Variants in EPHA6 observed in about 807,000 individuals in gnomAD.
EPHA6 encodes the protein EPH receptor A6, also known as ephrin type-A receptor 6.
A neutral mutation model predicts 112.0 loss-of-function variants in EPHA6; 50 were observed. The observed-to-expected ratio is 0.45, with a 90% CI of 0.36 to 0.56. The LOEUF (loss-of-function observed/expected upper bound fraction) is 0.56. Ranked by LOEUF, EPHA6 falls within the 20% of genes least tolerant of loss-of-function variation. The pLI, the probability that EPHA6 is intolerant of heterozygous loss-of-function variation, is 0.00. For missense variants in EPHA6, 1,280 were observed against 1,417.4 expected, an observed-to-expected ratio of 0.90 and a Z score of 1.56; for synonymous variants, 529 against 490.7, an observed-to-expected ratio of 1.08 and a Z score of -1.03.
intron 3 of EPHA6, among the ~76,000 whole-genome samples, chr3:96,990,907 C>T (rs2043191248): frequency 6.6e-6 from 1 of 151,980 alleles, no homozygotes; most frequent in African/African-American, 2.4e-5. Context: ...GAAAAGTGAC[C>T]ACATATATAA....
At chr3:96,846,017 A>G (rs1196147288) in intron 1 of EPHA6, among the ~76,000 whole-genome samples, 1 of 152,066 alleles carries the variant, frequency 6.6e-6, no homozygotes, top group Non-Finnish European at 1.5e-5. Context: ...ACAAAATCAC[A>G]ATGCTTACAT....
intron 3 of EPHA6, among the ~76,000 whole-genome samples, chr3:97,020,711 A>G (rs1489212757): frequency 6.6e-6 from 1 of 152,208 alleles, no homozygotes; most frequent in Non-Finnish European, 1.5e-5. Context: ...AGCCATTTGG[A>G]TAAAAATTTA....
intron 11 of EPHA6, among the ~76,000 whole-genome samples, chr3:97,533,884 A>G (rs956909361): frequency 6.6e-6 from 1 of 152,128 alleles, no homozygotes; most frequent in African/African-American, 2.4e-5. Context: ...CTGATGTTAC[A>G]ACTCCACTAC....
Position 97,748,849 on chromosome 3 carries a change from T to A in EPHA6, c.*148T>A, listed in dbSNP as rs2035821552. 1.7e-6 allele frequency: 1 copy of A among 605,882 alleles called. No individual in the cohort carries two copies. The highest frequency in any genetic ancestry group is 2.7e-5 in the Admixed American group (1 of 37,610). 37.5% of individuals were successfully genotyped at this position (605,882 alleles called of 1,614,324 possible). On this transcript the variant is annotated 3_prime_UTR_variant, in exon 18 of 18. Coordinates refer to ENST00000389672, the MANE Select transcript of EPHA6 (RefSeq NM_001080448.3). The stretch of plus-strand genomic sequence containing the variant: ...ATAGGCACACACCTTATGTTTATGC[T>A]TCCAACCAGGATTTTAAAATCATGC...
At position 97,159,721 on chromosome 3, in the gene EPHA6, T is replaced by A. The variant is rs139305278; in HGVS notation, c.1115-66543T>A. On this transcript the variant is annotated intron_variant, in intron 3 of 17. Transcript: ENST00000389672. ...TGGGGAACATGTTAAGACCAGTGAATTTCCTGAGCATAGACCCATTGCCAT... is the reference window on the plus strand; with the variant it reads ...TGGGGAACATGTTAAGACCAGTGAAATTCCTGAGCATAGACCCATTGCCAT... Among the ~76,000 whole-genome samples the A allele has an allele frequency of 5.8e-4, 88 of 152,202 alleles. No individual in the cohort carries two copies. The East Asian group carries it at 6.0e-3, about 10-fold the overall frequency.
intron 5 of EPHA6, among the ~76,000 whole-genome samples, chr3:97,373,152 A>G (rs947834453): frequency 6.6e-6 from 1 of 152,116 alleles, no homozygotes; most frequent in African/African-American, 2.4e-5. Context: ...AGTAATTCCT[A>G]TTTATGAATT....
In EPHA6 at chr3:97,520,197, G is replaced by A. The variant is rs571598489; in HGVS notation, c.2201-12161G>A. 1.2e-3 allele frequency among the ~76,000 whole-genome samples: 180 copies of A among 152,176 alleles called. 1 individual carries two copies. The South Asian group carries it at 0.028, about 23-fold the overall frequency. ...TTAGCCAGGATGGTCTCGATCTCCT[G>A]ACCTCGTGATTCACCTACCTCAGCC... On this transcript the variant is annotated intron_variant, in intron 10 of 17. Coordinates refer to ENST00000389672, the MANE Select transcript of EPHA6 (RefSeq NM_001080448.3).
intron 7 of EPHA6, among the ~76,000 whole-genome samples, chr3:97,457,703 A>G (rs1319350367): frequency 6.6e-6 from 1 of 152,164 alleles, no homozygotes; most frequent in Non-Finnish European, 1.5e-5. Flanking sequence ...ATAAAGTCAC[A>G]ATACTGAATG....
chr3:96,918,204 T>A (rs543609553), intron 2 of EPHA6, among the ~76,000 whole-genome samples: 2 of 152,234 alleles, frequency 1.3e-5, no homozygotes, highest in Admixed American at 1.3e-4. Flanking sequence ...TAACTGTATG[T>A]TAGAGATTTA....
chr3:97,705,665 A>G (rs2033639797), intron 14 of EPHA6, among the ~76,000 whole-genome samples: 1 of 152,196 alleles, frequency 6.6e-6, no homozygotes, highest in African/African-American at 2.4e-5. Flanking sequence ...ACAAAAGAAA[A>G]AGAACAGATC....
At chr3:97,031,082 C>G (rs118084478) in intron 3 of EPHA6, among the ~76,000 whole-genome samples, 1 of 151,596 alleles carries the variant, frequency 6.6e-6, no homozygotes, top group Non-Finnish European at 1.5e-5. Flanking sequence ...GTACCAGTAC[C>G]GGTACCAAAA....
intron 4 of EPHA6, among the ~76,000 whole-genome samples, chr3:97,241,899 G>T (rs1250280776): frequency 6.6e-6 from 1 of 150,860 alleles, no homozygotes; most frequent in Admixed American, 6.7e-5. Flanking sequence ...ATAAATAAGA[G>T]AAAAGACCAA....
Position 97,755,034 on chromosome 3 carries a change from AG to A in EPHA6, c.*6334del, listed in dbSNP as rs1404337899. ...TTTTCTTTTAAACAAAACATGGAAAAGTTCTTGCTTGAACTTTCACACTGAT... is the reference window on the plus strand; with the variant it reads ...TTTTCTTTTAAACAAAACATGGAAAATTCTTGCTTGAACTTTCACACTGAT... On this transcript the variant is annotated 3_prime_UTR_variant, in exon 18 of 18. Transcript: ENST00000389672. 6.6e-6 allele frequency among the ~76,000 whole-genome samples: 1 copy of A among 152,234 alleles called. No homozygotes were observed. The highest frequency in any genetic ancestry group is 2.4e-5 in the African/African-American group (1 of 41,466).
chr3:97,164,378 A>G (rs1451024755), intron 3 of EPHA6, among the ~76,000 whole-genome samples: 3 of 152,216 alleles, frequency 2.0e-5, no homozygotes, highest in Non-Finnish European at 4.4e-5. Context: ...GGCATTAGTA[A>G]ATGGTTAAAA....
intron 2 of EPHA6, among the ~76,000 whole-genome samples, chr3:96,958,714 A>G (rs1268924496): frequency 2.6e-5 from 4 of 152,170 alleles, no homozygotes; most frequent in Non-Finnish European, 5.9e-5. Flanking sequence ...TTTTGTATAA[A>G]TGGAATCATG....
chr3:96,839,747 T>G (rs2034625601), intron 1 of EPHA6, among the ~76,000 whole-genome samples: 2 of 152,116 alleles, frequency 1.3e-5, no homozygotes, highest in African/African-American at 4.8e-5. Flanking sequence ...CCTTATAAGC[T>G]TTCTTAAAAT....
intron 2 of EPHA6, among the ~76,000 whole-genome samples, chr3:96,946,807 C>T (rs935711907): frequency 5.9e-5 from 9 of 152,152 alleles, no homozygotes; most frequent in African/African-American, 2.2e-4. Flanking sequence ...TAAAAGTGTT[C>T]CTATTTCTCC....
intron 3 of EPHA6, among the ~76,000 whole-genome samples, chr3:97,016,494 T>A (rs2044270914): frequency 6.6e-6 from 1 of 152,232 alleles, no homozygotes; most frequent in Non-Finnish European, 1.5e-5. Flanking sequence ...ATTATGTATT[T>A]ACTTTAAAAT....
rs1322308729 is a variant in EPHA6 at position 97,752,814 on chromosome 3, C to A, written c.*4113C>A. ...ATTTTAAAAATTAGTATTTTAAGAT[C>A]AATATCTGTTATTATAAACTCACAG... On this transcript the variant is annotated 3_prime_UTR_variant, in exon 18 of 18. Transcript: ENST00000389672. 6.6e-6 allele frequency among the ~76,000 whole-genome samples: 1 copy of A among 151,900 alleles called. No individual in the cohort carries two copies. Among genetic ancestry groups the A allele is most frequent in the Non-Finnish European group, 1.5e-5 (1 of 67,924 alleles).
Sources: allele counts gnomAD v4.1 joint callset (sites outside exome capture counted in the v4.1 genomes callset), GRCh38; gene constraint gnomAD v4.1.1; transcripts MANE v1.5; gene names NCBI Gene and HGNC (gene_info 2026-07-23, HGNC 2026-07-21).